Variants in UBE4B observed in about 807,000 individuals in gnomAD.
UBE4B encodes the protein ubiquitin conjugation factor E4 B.
UBE4B carries 27 observed loss-of-function variants against 148.1 expected under a neutral mutation model. The observed-to-expected ratio is 0.18, with a 90% CI of 0.13 to 0.25. The LOEUF is 0.25. UBE4B is among the 10% of genes least tolerant of loss of function. The pLI is 1.00. For missense variants in UBE4B, 1,170 were observed against 1,662.4 expected, an observed-to-expected ratio of 0.70 and a Z score of 5.15; for synonymous variants, 596 against 619.3, an observed-to-expected ratio of 0.96 and a Z score of 0.56.
chr1:10,148,821 T>C (rs1337632064), intron 19 of UBE4B, among the ~76,000 whole-genome samples: 2 of 151,810 alleles, frequency 1.3e-5, no homozygotes, highest in Non-Finnish European at 2.9e-5. Context: ...GTGCCTGTAA[T>C]CTCAGCTATT....
intron 1 of UBE4B, among the ~76,000 whole-genome samples, chr1:10,066,307 T>TG (rs56899530): frequency 2.2e-4 from 33 of 150,678 alleles, no homozygotes; most frequent in African/African-American, 5.6e-4. Context: ...TTTGTGGGAT[T>TG]GGGGGGGGAG....
chr1:10,079,762 A>G (rs1644646458), intron 2 of UBE4B, among the ~76,000 whole-genome samples: 1 of 152,194 alleles, frequency 6.6e-6, no homozygotes, highest in Non-Finnish European at 1.5e-5. Flanking sequence ...TCTGGATCAG[A>G]AACAGAATTT....
At chr1:10,167,589 CTT>C (rs1166780306) in intron 23 of UBE4B, among the ~76,000 whole-genome samples, 6 of 120,054 alleles carry the variant, frequency 5.0e-5, no homozygotes, top group African/African-American at 1.4e-4. Context: ...TTGATGGTGA[CTT>C]TTTTTTTTTT....
chr1:10,093,332 C>G (rs1038785239), intron 2 of UBE4B, among the ~76,000 whole-genome samples: 2 of 152,034 alleles, frequency 1.3e-5, no homozygotes, highest in African/African-American at 4.8e-5. Context: ...TTTTTCAGGG[C>G]TTACTTTGGG....
At chr1:10,109,695 A>G (rs1645185686) in intron 7 of UBE4B, among the ~76,000 whole-genome samples, 1 of 152,016 alleles carries the variant, frequency 6.6e-6, no homozygotes, top group Non-Finnish European at 1.5e-5. Flanking sequence ...TTGTCACCCA[A>G]GCTGGAGTGC....
rs1017465622 is a variant in UBE4B at position 10,134,984 on chromosome 1, A to G, written c.2026-4A>G. ...AAAATACTTTTTCTTTTCAACTTTC[A>G]CAGACAGATGATAGATTGGTGTCTA... On this transcript the variant is annotated splice_polypyrimidine_tract_variant and splice_region_variant and intron_variant, in intron 15 of 27. Transcript: ENST00000343090. 2.5e-6 allele frequency: 4 copies of G among 1,613,276 alleles called. No homozygotes were observed. The highest frequency in any genetic ancestry group is 2.5e-6 in the Non-Finnish European group (3 of 1,179,432).
At position 10,168,284 on chromosome 1, in the gene UBE4B, C is replaced by T. The variant is rs761084656; in HGVS notation, c.3333+14C>T. 19 of 1,613,230 alleles carry T rather than the reference C, an allele frequency of 1.2e-5. No homozygotes were observed. The highest frequency in any genetic ancestry group is 2.2e-5 in the South Asian group (2 of 90,944). On this transcript the variant is annotated intron_variant, in intron 24 of 27. Transcript: ENST00000343090. The surrounding 1 kb of genome is among the most constrained non-coding windows in gnomAD (Gnocchi z 4.9). ...TTCCTCAGACCGGTGAGTAGAAACCCGGGGCTCTGTTTGGTGGTTTGGACT... is the reference window on the plus strand; with the variant it reads ...TTCCTCAGACCGGTGAGTAGAAACCTGGGGCTCTGTTTGGTGGTTTGGACT...
intron 2 of UBE4B, among the ~76,000 whole-genome samples, chr1:10,087,425 A>G (rs1644783105): frequency 6.6e-6 from 1 of 152,218 alleles, no homozygotes; most frequent in Admixed American, 6.5e-5. Flanking sequence ...AAACTAAGGG[A>G]TTAGCCTGGA....
At chr1:10,044,566 T>C (rs985284412) in intron 1 of UBE4B, among the ~76,000 whole-genome samples, 8 of 151,946 alleles carry the variant, frequency 5.3e-5, no homozygotes, top group African/African-American at 1.9e-4. Context: ...CCTTCCTTCC[T>C]TCCTTCCCTC....
rs529218297 is a variant in UBE4B at position 10,124,667 on chromosome 1, G to C, written c.1555-2127G>C. On this transcript the variant is annotated intron_variant, in intron 10 of 27. Coordinates refer to ENST00000343090, the MANE Select transcript of UBE4B (RefSeq NM_001105562.3). ...TTTTTGTCTTGAAAGAGTGGCAAAT[G>C]TGAATTATTAAATCTTTGACTGAAA... Among the ~76,000 whole-genome samples, 3 of 152,300 alleles carry C rather than the reference G, an allele frequency of 2.0e-5. No individual in the cohort carries two copies. In the East Asian group the frequency reaches 5.8e-4, roughly 29 times the overall value.
At chr1:10,179,860 C>T (rs777293406) in intron 27 of UBE4B, 35 bp from the exon 28 acceptor site, 3 of 1,610,732 alleles carry the variant, frequency 1.9e-6, no homozygotes, top group Non-Finnish European at 2.5e-6. Context: ...GCCCTCCCAT[C>T]TGGGGCATTA....
At chr1:10,056,398 A>G (rs1570792764) in intron 1 of UBE4B, among the ~76,000 whole-genome samples, 1 of 152,238 alleles carries the variant, frequency 6.6e-6, no homozygotes, top group South Asian at 2.1e-4. Flanking sequence ...CTGTGTGTCA[A>G]GTAAACACTT....
rs1193278015 is a variant in UBE4B, at chr1:10,117,482, G to A, written c.1220G>A (p.Ser407Asn). The change falls in exon 8 of 28, where the codon AGT (serine) becomes AAT (asparagine). Residue 407 changes from serine (S) to asparagine (N), a missense_variant. Transcript: ENST00000343090. ...SPSLGASGGA[S>N]NWDSYSDHFT... is the part of the protein sequence containing the mutation. The stretch of plus-strand genomic sequence containing the variant: ...AGTTTGGGAGCCTCTGGTGGAGCAA[G>A]TAATTGGGATTCCTACAGTGACCAT... The A allele has an allele frequency of 6.2e-7, 1 of 1,611,516 alleles. No individual in the cohort carries two copies. Among genetic ancestry groups the A allele is most frequent in the Admixed American group, 1.7e-5 (1 of 58,884 alleles).
chr1:10,124,261 G>A (rs1308857786), intron 10 of UBE4B, among the ~76,000 whole-genome samples: 1 of 149,414 alleles, frequency 6.7e-6, no homozygotes, highest in African/African-American at 2.5e-5. Context: ...TTCTGGGTTC[G>A]AGCGATTCTC....
At chr1:10,119,366 A>C in intron 8 of UBE4B, 147 bp from the exon 9 acceptor site, 1 of 690,226 alleles carries the variant, frequency 1.4e-6, no homozygotes, top group South Asian at 1.7e-5. Flanking sequence ...CTTGGAAGGC[A>C]CAGTTACTGT....
At chr1:10,066,830 C>T (rs1485755830) in intron 1 of UBE4B, among the ~76,000 whole-genome samples, 5 of 151,880 alleles carry the variant, frequency 3.3e-5, no homozygotes, top group East Asian at 3.9e-4. Flanking sequence ...GGCATGAACC[C>T]GGGAGGCAGA....
At chr1:10,059,608 G>A (rs1644246614) in intron 1 of UBE4B, 1 of 200,976 alleles carries the variant, frequency 5.0e-6, no homozygotes, top group Non-Finnish European at 1.1e-5. Context: ...AGACGAAGAG[G>A]CTGTGCATAA....
At chr1:10,084,589 A>G (rs1644734142) in intron 2 of UBE4B, among the ~76,000 whole-genome samples, 1 of 151,792 alleles carries the variant, frequency 6.6e-6, no homozygotes, top group Non-Finnish European at 1.5e-5. Context: ...TTGAGCTCAT[A>G]GTAGGTATCC....
intron 9 of UBE4B, among the ~76,000 whole-genome samples, chr1:10,120,929 A>T (rs999214715): frequency 2.0e-5 from 3 of 152,216 alleles, no homozygotes; most frequent in African/African-American, 7.2e-5. Context: ...TGTATGCCAT[A>T]ACCATATGTT....
Sources: gnomAD v4.1 joint callset for allele counts (sites outside exome capture counted in the v4.1 genomes callset) on GRCh38, gnomAD v4.1.1 for gene constraint, Gnocchi (gnomAD v3.1) non-coding constraint, MANE v1.5 for transcripts, NCBI Gene and HGNC (gene_info 2026-07-23, HGNC 2026-07-21) for gene names.